Variants in PTPRT observed in about 807,000 individuals in gnomAD.
The protein encoded by PTPRT is receptor-type tyrosine-protein phosphatase T.
A neutral mutation model predicts 176.8 loss-of-function variants in PTPRT; 56 were observed. That is an observed-to-expected ratio of 0.32 (90% CI 0.26 to 0.40). The LOEUF (loss-of-function observed/expected upper bound fraction) is 0.40. PTPRT is among the 10% of genes least tolerant of loss of function. The probability of loss-of-function intolerance (pLI) is 1.00; values close to 1 mark genes in which losing one functional copy is unlikely to be tolerated. For synonymous variants in PTPRT, 783 were observed against 739.0 expected (o/e 1.06, Z -0.96); for missense variants, 1,540 against 1,908.2 (o/e 0.81, Z 3.60).
intron 27 of PTPRT, among the ~76,000 whole-genome samples, chr20:42,097,753 T>G (rs1277950755): frequency 6.6e-6 from 1 of 152,222 alleles, no homozygotes; most frequent in Non-Finnish European, 1.5e-5. Flanking sequence ...AAGGATAGGT[T>G]TTTAAAAATC....
chr20:43,149,935 C>G (rs2014295506), intron 1 of PTPRT, among the ~76,000 whole-genome samples: 1 of 152,156 alleles, frequency 6.6e-6, no homozygotes, highest in Admixed American at 6.5e-5. Context: ...GTGTGAACAT[C>G]CGTGAGATGT....
At chr20:42,821,481 A>G (rs1463049012) in intron 2 of PTPRT, among the ~76,000 whole-genome samples, 1 of 152,216 alleles carries the variant, frequency 6.6e-6, no homozygotes, top group Non-Finnish European at 1.5e-5. Context: ...AGCTGGAAGC[A>G]TTCCCTTTGA....
chr20:43,049,694 T>C (rs979685196), intron 1 of PTPRT, among the ~76,000 whole-genome samples: 5 of 152,164 alleles, frequency 3.3e-5, no homozygotes, highest in Admixed American at 3.3e-4. Context: ...CCCAAGTATT[T>C]CCCGGGGAAA....
intron 22 of PTPRT, among the ~76,000 whole-genome samples, chr20:42,114,617 T>C (rs1987178789): frequency 6.6e-6 from 1 of 152,176 alleles, no homozygotes. Context: ...GTGGAATGTT[T>C]ATAAGCATCT....
chr20:42,560,189 G>A (rs1376114795), intron 7 of PTPRT, among the ~76,000 whole-genome samples: 2 of 152,160 alleles, frequency 1.3e-5, no homozygotes, highest in African/African-American at 2.4e-5. Flanking sequence ...TCTGGAAGCC[G>A]ACTTCTACAG....
At chr20:43,153,338 G>A (rs1044324637) in intron 1 of PTPRT, among the ~76,000 whole-genome samples, 2 of 152,214 alleles carry the variant, frequency 1.3e-5, no homozygotes, top group Non-Finnish European at 2.9e-5. Flanking sequence ...TTTGCATGAG[G>A]TGAAGTGGAA....
intron 1 of PTPRT, among the ~76,000 whole-genome samples, chr20:42,961,437 G>C (rs563825104): frequency 6.6e-6 from 1 of 152,202 alleles, no homozygotes; most frequent in African/African-American, 2.4e-5. Context: ...AAGGAAAATA[G>C]GAAGTAAGTC....
intron 7 of PTPRT, among the ~76,000 whole-genome samples, chr20:42,500,063 C>T (rs1188646448): frequency 6.6e-6 from 1 of 151,952 alleles, no homozygotes; most frequent in Non-Finnish European, 1.5e-5. Context: ...TGGTATGTCT[C>T]TTAACTTACC....
downstream of PTPRT, among the ~76,000 whole-genome samples, chr20:42,070,257 G>C (rs544914159): frequency 6.6e-6 from 1 of 151,886 alleles, no homozygotes; most frequent in South Asian, 2.1e-4. Flanking sequence ...AGTTCTGATG[G>C]AAGGCTTGAG....
At chr20:42,532,878 GC>G (rs1267718640) in intron 7 of PTPRT, among the ~76,000 whole-genome samples, 1 of 151,922 alleles carries the variant, frequency 6.6e-6, no homozygotes, top group East Asian at 1.9e-4. Context: ...CGAGGGAGAG[GC>G]CCACAGTCTA....
chr20:42,675,935 T>G (rs2075493880), intron 7 of PTPRT, among the ~76,000 whole-genome samples: 1 of 152,234 alleles, frequency 6.6e-6, no homozygotes, highest in Non-Finnish European at 1.5e-5. Context: ...CAATGATTTT[T>G]GTCTTAGACG....
chr20:42,541,831 T>G (rs933829116), intron 7 of PTPRT, among the ~76,000 whole-genome samples: 1 of 146,738 alleles, frequency 6.8e-6, no homozygotes, highest in Non-Finnish European at 1.5e-5. Flanking sequence ...TAAAAAATTT[T>G]AAATTTAAAA....
At chr20:43,021,262 C>T (rs1985667251) in intron 1 of PTPRT, among the ~76,000 whole-genome samples, 1 of 152,088 alleles carries the variant, frequency 6.6e-6, no homozygotes, top group African/African-American at 2.4e-5. Flanking sequence ...ATTTGAGAGA[C>T]TACAGAGAGA....
intron 1 of PTPRT, among the ~76,000 whole-genome samples, chr20:42,948,847 C>T (rs1041466990): frequency 2.6e-5 from 4 of 152,186 alleles, no homozygotes; most frequent in African/African-American, 7.2e-5. Flanking sequence ...TATCACCAGG[C>T]CTGATTCAAC....
chr20:42,709,047 C>T (rs2076103739), intron 6 of PTPRT, among the ~76,000 whole-genome samples: 1 of 152,234 alleles, frequency 6.6e-6, no homozygotes, highest in Non-Finnish European at 1.5e-5. Flanking sequence ...AATCCAAATA[C>T]TACATGGTGT....
intron 7 of PTPRT, among the ~76,000 whole-genome samples, chr20:42,559,284 T>C (rs911429242): frequency 6.6e-6 from 1 of 152,128 alleles, no homozygotes; most frequent in African/African-American, 2.4e-5. Context: ...CCCTGGAATT[T>C]GTCTTCATCG....
At chr20:42,815,196 G>A (rs1218060605) in intron 2 of PTPRT, among the ~76,000 whole-genome samples, 1 of 152,142 alleles carries the variant, frequency 6.6e-6, no homozygotes, top group Non-Finnish European at 1.5e-5. Flanking sequence ...AGACCAAGCA[G>A]ACATAGCACG....
chr20:42,142,767 C>CTT (rs1239774872), intron 17 of PTPRT, among the ~76,000 whole-genome samples: 1 of 152,168 alleles, frequency 6.6e-6, no homozygotes, highest in African/African-American at 2.4e-5. Context: ...TAAATGCAGT[C>CTT]TTTCTCTCTC....
At chr20:42,728,450 G>A (rs2076411919) in intron 6 of PTPRT, among the ~76,000 whole-genome samples, 1 of 152,116 alleles carries the variant, frequency 6.6e-6, no homozygotes, top group African/African-American at 2.4e-5. Context: ...TAGGCTAAAT[G>A]ATCCAGTGGT....
Sources: allele counts gnomAD v4.1 joint callset (sites outside exome capture counted in the v4.1 genomes callset), GRCh38; gene constraint gnomAD v4.1.1; transcripts MANE v1.5; gene names NCBI Gene and HGNC (gene_info 2026-07-23, HGNC 2026-07-21).